NOP58: variants seen among roughly 807,000 people sequenced by gnomAD.
NOP58 encodes NOP58 ribonucleoprotein, also known as nucleolar protein 58.
In NOP58, 44 loss-of-function variants were observed where a neutral mutation model predicts 71.2. The ratio of observed to expected loss-of-function variants is 0.62; its 90% CI spans 0.49 to 0.79. NOP58 has a LOEUF of 0.79. Among genes scored for constraint, NOP58 ranks in the 30% least tolerant of loss-of-function variants. NOP58 has a pLI of 0.00. For synonymous variants in NOP58, 228 were observed against 200.3 expected, an observed-to-expected ratio of 1.14 and a Z score of -1.17; for missense variants, 538 against 620.2, an observed-to-expected ratio of 0.87 and a Z score of 1.41.
chr2:202,292,139 A>C (rs905316926), intron 8 of NOP58, among the ~76,000 whole-genome samples: 1 of 150,510 alleles, frequency 6.6e-6, no homozygotes, highest in African/African-American at 2.4e-5. Flanking sequence ...GATTACAAGC[A>C]CGTGCCACCA....
intron 8 of NOP58, 119 bp downstream of exon 8, chr2:202,291,389 G>T: frequency 1.4e-6 from 1 of 697,164 alleles, no homozygotes; most frequent in Non-Finnish European, 2.3e-6. Flanking sequence ...TAAATATGAG[G>T]GTGTTCAGTC....
intron 8 of NOP58, among the ~76,000 whole-genome samples, 154 bp from the exon 9 acceptor site, chr2:202,292,623 A>G (rs1464739531): frequency 6.6e-6 from 1 of 152,128 alleles, no homozygotes; most frequent in African/African-American, 2.4e-5. Flanking sequence ...GGGAAAAAAA[A>G]AAAAGAAAAC....
chr2:202,299,596 GT>G (rs1689055798), intron 12 of NOP58, among the ~76,000 whole-genome samples: 1 of 152,016 alleles, frequency 6.6e-6, no homozygotes, highest in Admixed American at 6.5e-5. Context: ...TTTTTAGCTT[GT>G]TTTGAACCAA....
intron 12 of NOP58, chr2:202,299,885 G>A (rs954694303): frequency 2.0e-5 from 3 of 152,368 alleles, no homozygotes; most frequent in African/African-American, 7.5e-5. Context: ...TGTTCTGAAA[G>A]TTGGATGGTT....
At chr2:202,283,769 A>G (rs558932088) in intron 4 of NOP58, among the ~76,000 whole-genome samples, 3 of 152,202 alleles carry the variant, frequency 2.0e-5, no homozygotes, top group East Asian at 1.9e-4. Flanking sequence ...AAGCTAAATA[A>G]CAGGTAGTAA....
At chr2:202,278,638 G>A (rs1688644761) in intron 3 of NOP58, among the ~76,000 whole-genome samples, 1 of 152,082 alleles carries the variant, frequency 6.6e-6, no homozygotes, top group Non-Finnish European at 1.5e-5. Flanking sequence ...TTTTTTAAGT[G>A]TTAGGGAAAA....
chr2:202,300,814 G>T (rs1216415137), intron 13 of NOP58, among the ~76,000 whole-genome samples: 1 of 152,096 alleles, frequency 6.6e-6, no homozygotes, highest in Non-Finnish European at 1.5e-5. Flanking sequence ...TATCTAACAG[G>T]TGCTCACCAG....
intron 11 of NOP58, 104 bp from the exon 12 acceptor site, chr2:202,297,740 GC>G: frequency 1.2e-6 from 1 of 808,962 alleles, no homozygotes; most frequent in South Asian, 2.0e-5. Flanking sequence ...ACAAAAAATA[GC>G]AGAAATTGCT....
intron 5 of NOP58, among the ~76,000 whole-genome samples, chr2:202,285,341 A>ATTTTTT (rs932875625): frequency 1.8e-4 from 15 of 81,256 alleles, no homozygotes; most frequent in East Asian, 3.3e-4. Context: ...CACACCCGGC[A>ATTTTTT]TTTTTTTTTT....
intron 1 of NOP58, among the ~76,000 whole-genome samples, chr2:202,268,768 C>T (rs1010381288): frequency 2.0e-5 from 3 of 151,006 alleles, no homozygotes; most frequent in African/African-American, 7.3e-5. Flanking sequence ...TGCACCACCA[C>T]GCCCAGCTAA....
chr2:202,272,505 C>A (rs930270515), intron 1 of NOP58, among the ~76,000 whole-genome samples: 3 of 152,010 alleles, frequency 2.0e-5, no homozygotes, highest in Admixed American at 6.6e-5. Context: ...TAAAAATAAC[C>A]CAAACTAGAA....
At chr2:202,297,761 C>G in intron 11 of NOP58, 84 bp from the exon 12 acceptor site, 2 of 855,368 alleles carry the variant, frequency 2.3e-6, no homozygotes, top group Non-Finnish European at 3.6e-6. Flanking sequence ...TGTTTGCTGG[C>G]CCACTGATTC....
chr2:202,268,300 C>T (rs559147022), intron 1 of NOP58, among the ~76,000 whole-genome samples: 2 of 152,070 alleles, frequency 1.3e-5, no homozygotes, highest in South Asian at 4.2e-4. Flanking sequence ...TTTGGGAGGC[C>T]GAGGCCGGCG....
rs755475439 is a variant in NOP58 at position 202,291,214 on chromosome 2, A to G, written c.724A>G (p.Met242Val). Reference sequence around the variant, plus strand: ...AGTGAAAGCAGCTGCAGAGATATCAATGGGAACAGAGGTTTCAGAAGAAGA... The same window carrying G: ...AGTGAAAGCAGCTGCAGAGATATCAGTGGGAACAGAGGTTTCAGAAGAAGA... ...AEVKAAAEIS[M>V]GTEVSEEDIC... The change falls in exon 8 of 15, where the codon ATG (methionine) becomes GTG (valine). Residue 242 changes from methionine to valine, a missense_variant. Met to Val is a conservative substitution (Grantham distance 21). Coordinates refer to ENST00000264279, the MANE Select transcript of NOP58 (RefSeq NM_015934.5). The G allele has an allele frequency of 1.2e-5, 20 of 1,612,518 alleles. No homozygotes were observed. Among genetic ancestry groups the G allele is most frequent in the African/African-American group, 2.7e-5 (2 of 74,860 alleles).
At chr2:202,292,696 AGGGCTCCAGT>A in intron 8 of NOP58, 71 bp from the exon 9 acceptor site, 1 of 1,091,008 alleles carries the variant, frequency 9.2e-7, no homozygotes, top group Middle Eastern at 2.0e-4. Flanking sequence ...TTCATAATTG[AGGGCTCCAGT>A]GTTTTAGACA....
intron 5 of NOP58, among the ~76,000 whole-genome samples, chr2:202,285,501 A>G (rs1035536625): frequency 4.0e-5 from 6 of 151,340 alleles, no homozygotes; most frequent in Non-Finnish European, 7.4e-5. Context: ...GTGCGCCACC[A>G]TCCCTGGCTG....
At chr2:202,282,604 G>A in intron 4 of NOP58, 132 bp downstream of exon 4, 1 of 819,230 alleles carries the variant, frequency 1.2e-6, no homozygotes, top group Non-Finnish European at 1.8e-6. Flanking sequence ...TAAGCTACAT[G>A]ATAATGGATT....
chr2:202,277,670 C>G (rs757846580), intron 2 of NOP58, among the ~76,000 whole-genome samples: 38 of 152,136 alleles, frequency 2.5e-4, no homozygotes, highest in Non-Finnish European at 4.4e-4. Flanking sequence ...CTTTATGCAA[C>G]AGGGGTTTGT....
At position 202,297,379 on chromosome 2, in the gene NOP58, A is replaced by G; in HGVS notation, c.1072A>G (p.Ile358Val). 6.2e-7 allele frequency: 1 copy of G among 1,611,298 alleles called. No individual in the cohort carries two copies. The highest frequency in any genetic ancestry group is 1.1e-5 in the South Asian group (1 of 90,350). The change falls in exon 11 of 15, where the codon ATT becomes GTT. Residue 358 changes from isoleucine (I) to valine (V), a missense_variant and splice_region_variant. Transcript: ENST00000264279. Reference sequence around the variant, plus strand: ...ATAGTTCTTCATGTTTTTCTATTAGATTTCTCGAATGCTGGCAGCCAAAAC... The same window carrying G: ...ATAGTTCTTCATGTTTTTCTATTAGGTTTCTCGAATGCTGGCAGCCAAAAC... ...GQTSPKHKGK[I>V]SRMLAAKTVL...
Sources: allele counts gnomAD v4.1 joint callset (sites outside exome capture counted in the v4.1 genomes callset), GRCh38; gene constraint gnomAD v4.1.1; transcripts MANE v1.5; gene names NCBI Gene and HGNC (gene_info 2026-07-23, HGNC 2026-07-21).